Variants in CDKL4 observed in about 807,000 individuals in gnomAD.
CDKL4 encodes cyclin dependent kinase like 4, also known as cyclin-dependent kinase-like 4.
A neutral mutation model predicts 42.0 loss-of-function variants in CDKL4; 44 were observed. The observed-to-expected ratio is 1.05, with a 90% CI of 0.82 to 1.35. The LOEUF is 1.35. Ranked by LOEUF, CDKL4 falls within the 40% of genes most tolerant of loss-of-function variation. The pLI, the probability that CDKL4 is intolerant of heterozygous loss-of-function variation, is 0.00. For missense variants in CDKL4, 393 were observed against 369.9 expected, an observed-to-expected ratio of 1.06 and a Z score of -0.51; for synonymous variants, 120 against 121.6, an observed-to-expected ratio of 0.99 and a Z score of 0.09.
chr2:39,221,659 A>G (rs1011861445), intron 3 of CDKL4, among the ~76,000 whole-genome samples: 4 of 152,256 alleles, frequency 2.6e-5, no homozygotes, highest in East Asian at 1.9e-4. Context: ...AGCAGTGCTA[A>G]GCACATTTGT....
intron 4 of CDKL4, among the ~76,000 whole-genome samples, chr2:39,210,075 CCT>C (rs1238196375): frequency 6.6e-6 from 1 of 152,128 alleles, no homozygotes; most frequent in African/African-American, 2.4e-5. Flanking sequence ...GTAACCTCTG[CCT>C]CTCGAGTTCA....
intron 7 of CDKL4, among the ~76,000 whole-genome samples, chr2:39,185,620 C>T (rs1350610273): frequency 6.6e-6 from 1 of 150,958 alleles, no homozygotes; most frequent in African/African-American, 2.4e-5. Flanking sequence ...CCACCACACG[C>T]CCGGCTAATT....
intron 6 of CDKL4, among the ~76,000 whole-genome samples, chr2:39,188,293 T>A: frequency 6.6e-6 from 1 of 151,970 alleles, no homozygotes; most frequent in East Asian, 1.9e-4. Context: ...CTGGGTGCGG[T>A]GGCTCACGCC....
intron 4 of CDKL4, among the ~76,000 whole-genome samples, chr2:39,208,347 T>C (rs1677339949): frequency 7.5e-6 from 1 of 132,856 alleles, no homozygotes. Flanking sequence ...TATACACAGC[T>C]TTTTTTTTTT....
intron 3 of CDKL4, among the ~76,000 whole-genome samples, chr2:39,222,380 A>G (rs1678426723): frequency 6.6e-6 from 1 of 152,114 alleles, no homozygotes; most frequent in Non-Finnish European, 1.5e-5. Flanking sequence ...ACCTGAGGTT[A>G]GGAGTTCGAG....
At chr2:39,178,174 T>C (rs1388778475) in intron 9 of CDKL4, among the ~76,000 whole-genome samples, 2 of 152,176 alleles carry the variant, frequency 1.3e-5, no homozygotes, top group African/African-American at 4.8e-5. Context: ...CCTAGAGATT[T>C]TGGATACACA....
At chr2:39,245,834 G>T (rs73924808), upstream of CDKL4, among the ~76,000 whole-genome samples, 1,302 of 152,268 alleles carry the variant, frequency 8.6e-3, 23 homozygotes, top group African/African-American at 0.029. Flanking sequence ...AGGTTTTTGC[G>T]TGAAAAGCAG....
chr2:39,230,972 G>A (rs1255603661), intron 1 of CDKL4, among the ~76,000 whole-genome samples: 2 of 152,168 alleles, frequency 1.3e-5, no homozygotes, highest in Non-Finnish European at 2.9e-5. Context: ...AACTCTGGGA[G>A]GTCGAGGCAG....
chr2:39,178,575 AG>A, intron 9 of CDKL4: 1 of 1,551,886 alleles, frequency 6.4e-7, no homozygotes, highest in Non-Finnish European at 8.7e-7. Context: ...GTTTTCTGAA[AG>A]CAAGTGAAGG....
At chr2:39,195,892 T>G (rs1441773876) in intron 5 of CDKL4, among the ~76,000 whole-genome samples, 2 of 152,218 alleles carry the variant, frequency 1.3e-5, no homozygotes, top group Non-Finnish European at 2.9e-5. Context: ...CTTGCAGCTA[T>G]GACTCAGACG....
At chr2:39,209,268 C>T (rs958997797) in intron 4 of CDKL4, among the ~76,000 whole-genome samples, 2 of 149,742 alleles carry the variant, frequency 1.3e-5, no homozygotes, top group Non-Finnish European at 3.0e-5. Context: ...GCCGTGAAGG[C>T]GCCACTGCAT....
chr2:39,187,556 A>T, intron 7 of CDKL4, 71 bp downstream of exon 7: 2 of 1,099,744 alleles, frequency 1.8e-6, no homozygotes, highest in Non-Finnish European at 2.7e-6. Flanking sequence ...AAATAAATAA[A>T]TAAATAACAA....
At chr2:39,184,633 TTCC>T in exon 8 of CDKL4, 1 of 1,611,710 alleles carries the variant, frequency 6.2e-7, no homozygotes, top group African/African-American at 1.3e-5. Context: ...CTGAGAACTT[TTCC>T]TCAAGAGTTT....
upstream of CDKL4, among the ~76,000 whole-genome samples, chr2:39,244,592 C>G (rs1378846312): frequency 6.6e-6 from 1 of 152,216 alleles, no homozygotes; most frequent in African/African-American, 2.4e-5. Flanking sequence ...CCGGAACCTT[C>G]CCGACGAGTG....
intron 4 of CDKL4, among the ~76,000 whole-genome samples, chr2:39,212,746 G>A (rs1287284554): frequency 6.6e-6 from 1 of 152,036 alleles, no homozygotes; most frequent in Non-Finnish European, 1.5e-5. Context: ...TGCAACCTCT[G>A]CCTCCTGGGT....
downstream of CDKL4, among the ~76,000 whole-genome samples, chr2:39,173,589 C>G (rs1006316676): frequency 1.3e-5 from 2 of 152,060 alleles, no homozygotes; most frequent in Non-Finnish European, 2.9e-5. Context: ...ATGGGCGGAT[C>G]ACGAGGTCAG....
At chr2:39,227,894 G>C (rs1336634311) in intron 2 of CDKL4, among the ~76,000 whole-genome samples, 2 of 152,184 alleles carry the variant, frequency 1.3e-5, no homozygotes, top group East Asian at 3.8e-4. Flanking sequence ...AAAAACAGGT[G>C]GTAAGGACAG....
At chr2:39,171,640 G>C (rs901476242), downstream of CDKL4, among the ~76,000 whole-genome samples, 1 of 152,186 alleles carries the variant, frequency 6.6e-6, no homozygotes, top group African/African-American at 2.4e-5. Context: ...GGAGCTCTAA[G>C]AATAGGCAAA....
chr2:39,226,136 T>C (rs1297547124), intron 2 of CDKL4, among the ~76,000 whole-genome samples, 176 bp from the exon 3 acceptor site: 1 of 152,070 alleles, frequency 6.6e-6, no homozygotes, highest in Non-Finnish European at 1.5e-5. Context: ...GTATGTAACT[T>C]AAAATACTGC....
Sources: allele counts gnomAD v4.1 joint callset (sites outside exome capture counted in the v4.1 genomes callset), GRCh38; gene constraint gnomAD v4.1.1; transcripts MANE v1.5; gene names NCBI Gene and HGNC (gene_info 2026-07-23, HGNC 2026-07-21).